Variants in PRKG1 observed in about 807,000 individuals in gnomAD.
The protein encoded by PRKG1 is protein kinase cGMP-dependent 1, also known as cGMP-dependent protein kinase 1.
In PRKG1, 35 loss-of-function variants were observed where a neutral mutation model predicts 88.1. That is an observed-to-expected ratio of 0.40 (90% CI 0.30 to 0.53). The LOEUF (loss-of-function observed/expected upper bound fraction) is 0.53, where lower values mean the gene tolerates loss of function less well. Ranked by LOEUF, PRKG1 falls within the 20% of genes least tolerant of loss-of-function variation. The pLI is 0.59. For synonymous variants in PRKG1, 303 were observed against 292.5 expected (o/e 1.04, Z -0.37); for missense variants, 540 against 839.8 (o/e 0.64, Z 4.41).
chr10:52,002,091 T>C (rs140358981), intron 5 of PRKG1, among the ~76,000 whole-genome samples: 4 of 152,118 alleles, frequency 2.6e-5, no homozygotes, highest in African/African-American at 9.7e-5. Flanking sequence ...CAAGAAATAT[T>C]ATTCTTTCTA....
rs542057484 is a variant in PRKG1, at chr10:51,926,129, A to C, written c.762+18559A>C. ...CAATACATCTTTCTGAGCATATTAGAAATTATTTCTGTATGAAATAACAGG... is the reference window on the plus strand; with the variant it reads ...CAATACATCTTTCTGAGCATATTAGCAATTATTTCTGTATGAAATAACAGG... On this transcript the variant is annotated intron_variant, in intron 5 of 17. Coordinates refer to ENST00000373980, the MANE Select transcript of PRKG1 (RefSeq NM_006258.4). 9.8e-4 allele frequency among the ~76,000 whole-genome samples: 150 copies of C among 152,308 alleles called. 3 individuals carry two copies. Among genetic ancestry groups the C allele is most frequent in the Admixed American group, 9.8e-4 (15 of 15,282 alleles).
At chr10:52,262,711 T>C (rs1245852025) in intron 10 of PRKG1, among the ~76,000 whole-genome samples, 1 of 152,136 alleles carries the variant, frequency 6.6e-6, no homozygotes. Context: ...GGACCTGTCC[T>C]CACCAATACC....
intron 2 of PRKG1, among the ~76,000 whole-genome samples, chr10:51,436,395 GT>G (rs1164998711): frequency 2.0e-5 from 3 of 151,768 alleles, no homozygotes; most frequent in African/African-American, 7.3e-5. Context: ...TGATGCTGCA[GT>G]TTTTTCTCGT....
At chr10:51,049,078 G>A (rs1843527224) in intron 1 of PRKG1, among the ~76,000 whole-genome samples, 1 of 151,688 alleles carries the variant, frequency 6.6e-6, no homozygotes, top group South Asian at 2.1e-4. Context: ...ATGACTGACA[G>A]GGCCGGGAAA....
intron 2 of PRKG1, among the ~76,000 whole-genome samples, chr10:51,408,601 G>A (rs886581510): frequency 6.6e-6 from 1 of 152,178 alleles, no homozygotes; most frequent in Non-Finnish European, 1.5e-5. Context: ...CCCAAGGGAT[G>A]GTGCCATATC....
rs1383293446 is a variant in PRKG1 at position 52,251,646 on chromosome 10, G to A, written c.1153G>A (p.Gly385Ser). 1.2e-6 allele frequency: 2 copies of A among 1,613,236 alleles called. No individual in the cohort carries two copies. The highest frequency in any genetic ancestry group is 1.7e-5 in the Admixed American group (1 of 59,968). The part of the protein sequence containing the change: ...FNIIDTLGVG[G>S]FGRVELVQLK... ...CATCATTGATACCCTTGGAGTTGGA[G>A]GTTTCGGACGAGTAGAACTGGTAGG... Residue 385 changes from glycine to serine, a missense_variant, in exon 10 of 18, where the codon GGT (glycine) becomes AGT (serine). Gly to Ser is a moderately conservative substitution (Grantham distance 56, BLOSUM62 0). Transcript: ENST00000373980.
intron 1 of PRKG1, among the ~76,000 whole-genome samples, chr10:51,101,082 A>G (rs1271150360): frequency 6.6e-6 from 1 of 152,034 alleles, no homozygotes; most frequent in Non-Finnish European, 1.5e-5. Flanking sequence ...GTTACTGAAT[A>G]TTTGTGTTTC....
intron 5 of PRKG1, among the ~76,000 whole-genome samples, chr10:51,969,435 G>A (rs1399502361): frequency 6.6e-6 from 1 of 152,114 alleles, no homozygotes; most frequent in Admixed American, 6.6e-5. Context: ...TCTTTTCTGA[G>A]AATTATTCCT....
chr10:51,582,377 T>C (rs531758675), intron 3 of PRKG1, among the ~76,000 whole-genome samples: 17 of 152,266 alleles, frequency 1.1e-4, no homozygotes, highest in African/African-American at 4.1e-4. Context: ...GTTTGTTACA[T>C]AGGTAAACGT....
intron 2 of PRKG1, among the ~76,000 whole-genome samples, chr10:51,376,673 GT>G (rs1023075412): frequency 3.3e-5 from 5 of 151,858 alleles, no homozygotes; most frequent in Non-Finnish European, 7.4e-5. Context: ...CTTTGTTGTT[GT>G]TTTTTGTTTG....
At chr10:52,207,248 G>T (rs189419235) in intron 9 of PRKG1, among the ~76,000 whole-genome samples, 37 of 152,200 alleles carry the variant, frequency 2.4e-4, no homozygotes, top group Middle Eastern at 3.4e-3. Flanking sequence ...GGAGCGGGAG[G>T]ATGCTGTGTG....
intron 8 of PRKG1, among the ~76,000 whole-genome samples, chr10:52,156,735 G>T (rs1838115955): frequency 6.6e-6 from 1 of 151,780 alleles, no homozygotes; most frequent in Admixed American, 6.6e-5. Context: ...TAAATCAAGG[G>T]ATTTTCTGCA....
intron 3 of PRKG1, among the ~76,000 whole-genome samples, chr10:51,607,900 T>C (rs952029578): frequency 1.3e-5 from 2 of 152,216 alleles, no homozygotes; most frequent in African/African-American, 4.8e-5. Flanking sequence ...AGTGCTTCTT[T>C]GTACTGAGGG....
intron 5 of PRKG1, among the ~76,000 whole-genome samples, chr10:51,991,036 G>A (rs542999086): frequency 1.0e-3 from 154 of 151,852 alleles, no homozygotes; most frequent in Non-Finnish European, 1.9e-3. Flanking sequence ...AACACTTTTC[G>A]TTGTAAAGAT....
At chr10:51,138,323 C>T (rs1334019014) in intron 1 of PRKG1, among the ~76,000 whole-genome samples, 2 of 152,190 alleles carry the variant, frequency 1.3e-5, no homozygotes, top group East Asian at 3.9e-4. Flanking sequence ...TGAATGGTGT[C>T]ATTTATAATG....
intron 2 of PRKG1, among the ~76,000 whole-genome samples, chr10:51,253,986 A>T (rs1017499737): frequency 6.6e-6 from 1 of 152,040 alleles, no homozygotes; most frequent in Admixed American, 6.6e-5. Flanking sequence ...ACAAACTATG[A>T]TCATTATGGA....
intron 3 of PRKG1, among the ~76,000 whole-genome samples, chr10:51,590,736 AG>A (rs1198060239): frequency 6.6e-6 from 1 of 151,704 alleles, no homozygotes; most frequent in Non-Finnish European, 1.5e-5. Flanking sequence ...AATTAATTTT[AG>A]GGTTGATTTT....
intron 10 of PRKG1, among the ~76,000 whole-genome samples, chr10:52,269,223 C>T (rs1383978702): frequency 6.6e-6 from 1 of 152,020 alleles, no homozygotes; most frequent in Non-Finnish European, 1.5e-5. Flanking sequence ...AATTGTAGTA[C>T]TCTAACATAG....
At chr10:51,401,074 A>T (rs2132667770) in intron 2 of PRKG1, among the ~76,000 whole-genome samples, 1 of 152,370 alleles carries the variant, frequency 6.6e-6, no homozygotes, top group Admixed American at 6.5e-5. Context: ...TATGTATGTA[A>T]CGTTAAATTT....
Sources: allele counts gnomAD v4.1 joint callset (sites outside exome capture counted in the v4.1 genomes callset), GRCh38; gene constraint gnomAD v4.1.1; transcripts MANE v1.5; gene names NCBI Gene and HGNC (gene_info 2026-07-23, HGNC 2026-07-21).